The following TMEM63B variants were observed in gnomAD, a reference collection of about 807,000 sequenced individuals.
TMEM63B encodes the protein transmembrane protein 63B.
A neutral mutation model predicts 102.6 loss-of-function variants in TMEM63B; 23 were observed. That is an observed-to-expected ratio of 0.22 (90% CI 0.16 to 0.32). TMEM63B has a LOEUF of 0.32. TMEM63B is among the 10% of genes least tolerant of loss of function. The pLI is 1.00. For missense variants in TMEM63B, 628 were observed against 1,095.9 expected, an observed-to-expected ratio of 0.57 and a Z score of 6.03; for synonymous variants, 444 against 437.0, an observed-to-expected ratio of 1.02 and a Z score of -0.20.
intron 1 of TMEM63B, chr6:44,132,243 G>A (rs1762085623): frequency 3.0e-6 from 3 of 985,180 alleles, no homozygotes; most frequent in Non-Finnish European, 3.6e-6. Flanking sequence ...TGTTGTGGAG[G>A]GGAGAGTACT....
intron 15 of TMEM63B, among the ~76,000 whole-genome samples, chr6:44,149,540 T>C (rs1766146465): frequency 6.6e-6 from 1 of 152,094 alleles, no homozygotes; most frequent in Non-Finnish European, 1.5e-5. Flanking sequence ...CTATTGAATC[T>C]TTTTTTTGCC....
At chr6:44,139,647 T>C in intron 7 of TMEM63B, 38 bp downstream of exon 7, 1 of 1,614,028 alleles carries the variant, frequency 6.2e-7, no homozygotes. Context: ...GGAGAGAGGA[T>C]GGGGCTGGAG....
intron 9 of TMEM63B, chr6:44,140,622 A>G: frequency 1.7e-6 from 1 of 598,506 alleles, no homozygotes; most frequent in Non-Finnish European, 3.0e-6. Flanking sequence ...TTGGGAAAAT[A>G]GCAGTGGCTG....
chr6:44,140,288 C>A lies in TMEM63B; in HGVS notation c.639C>A (p.Phe213Leu). The change falls in exon 9 of 24, where the codon TTC becomes TTA. Residue 213 changes from phenylalanine to leucine, a missense_variant. Coordinates refer to ENST00000323267, the MANE Select transcript of TMEM63B (RefSeq NM_018426.3). ...TATGGCTGCACACCTCCTTCGCCTT[C>A]CTGTATCTGCTGCTCACCGTCTACA... Reference protein sequence around the residue: ...NLLWLHTSFAFLYLLLTVYSM... With the variant: ...NLLWLHTSFALLYLLLTVYSM... The A allele has an allele frequency of 6.2e-7, 1 of 1,614,108 alleles. No individual in the cohort carries two copies. Among genetic ancestry groups the A allele is most frequent in the Non-Finnish European group, 8.5e-7 (1 of 1,179,998 alleles).
At position 44,139,763 on chromosome 6, in the gene TMEM63B, A is replaced by T. The variant is rs1264565791; in HGVS notation, c.602+4A>T. The T allele has an allele frequency of 4.3e-6, 7 of 1,614,084 alleles. No individual in the cohort carries two copies. The African/African-American group carries it at 8.0e-5, about 18-fold the overall frequency. ...CCATTGCCAACTTGAAATCAGGGTAAGATGCGAAGCTGGTCGGCCAGGCCA... is the reference window on the plus strand; with the variant it reads ...CCATTGCCAACTTGAAATCAGGGTATGATGCGAAGCTGGTCGGCCAGGCCA... On this transcript the variant is annotated splice_donor_region_variant and intron_variant, in intron 8 of 23. Transcript: ENST00000323267.
chr6:44,146,824 A>G (rs201891308), intron 10 of TMEM63B, 23 bp from the exon 11 acceptor site: 42 of 1,613,356 alleles, frequency 2.6e-5, no homozygotes, highest in Non-Finnish European at 3.2e-5. Context: ...CCTGCACAAG[A>G]TGATACATGA....
chr6:44,149,797 A>G, intron 15 of TMEM63B, 62 bp from the exon 16 acceptor site: 2 of 1,396,746 alleles, frequency 1.4e-6, no homozygotes, highest in South Asian at 2.5e-5. Context: ...GGAGGCACAT[A>G]AGCAAAGCCA....
chr6:44,144,483 C>G (rs1764938141), intron 10 of TMEM63B, among the ~76,000 whole-genome samples: 2 of 152,250 alleles, frequency 1.3e-5, no homozygotes, highest in East Asian at 1.9e-4. Flanking sequence ...CTCAAGGACC[C>G]TATCCCAGAT....
chr6:44,147,009 C>G, intron 11 of TMEM63B, 82 bp downstream of exon 11: 1 of 1,457,484 alleles, frequency 6.9e-7, no homozygotes, highest in Non-Finnish European at 9.6e-7. Context: ...CACAGGCTCC[C>G]CTTCTAGATT....
At chr6:44,136,113 A>G (rs1292791499) in intron 4 of TMEM63B, among the ~76,000 whole-genome samples, 2 of 152,104 alleles carry the variant, frequency 1.3e-5, no homozygotes, top group East Asian at 3.9e-4. Context: ...TCCTCCCTCA[A>G]GTCCCCACTG....
intron 1 of TMEM63B, among the ~76,000 whole-genome samples, chr6:44,129,250 C>T (rs370993677): frequency 2.3e-3 from 348 of 151,932 alleles, no homozygotes; most frequent in African/African-American, 7.7e-3. Context: ...CACCTGTAAT[C>T]CCAGCTACTC....
At chr6:44,151,549 A>G (rs533308967) in intron 18 of TMEM63B, among the ~76,000 whole-genome samples, 2 of 152,162 alleles carry the variant, frequency 1.3e-5, no homozygotes, top group South Asian at 4.2e-4. Context: ...TGAGGGTCTC[A>G]TTGGGTTGTC....
chr6:44,126,771 T>C (rs1015108735), upstream of TMEM63B: 7 of 151,942 alleles, frequency 4.6e-5, no homozygotes, highest in South Asian at 8.3e-4. Context: ...ATAGAAAGAG[T>C]CTCAGTCTCT....
At chr6:44,141,876 C>T (rs756612624) in intron 10 of TMEM63B, among the ~76,000 whole-genome samples, 1 of 151,778 alleles carries the variant, frequency 6.6e-6, no homozygotes, top group Non-Finnish European at 1.5e-5. Context: ...AATCCCAGCA[C>T]TTTGGGAGGC....
chr6:44,146,245 A>G (rs921242295), intron 10 of TMEM63B, among the ~76,000 whole-genome samples: 1 of 152,008 alleles, frequency 6.6e-6, no homozygotes, highest in Non-Finnish European at 1.5e-5. Flanking sequence ...CAGGAATCAG[A>G]CCATAGCCCT....
In TMEM63B at chr6:44,152,415, C is replaced by T. The variant is rs75665949; in HGVS notation, c.1837-178C>T. Among the ~76,000 whole-genome samples, 28 of 152,176 alleles carry T rather than the reference C, an allele frequency of 1.8e-4. No individual in the cohort carries two copies. The East Asian group carries it at 4.1e-3, about 22-fold the overall frequency. On this transcript the variant is annotated intron_variant, in intron 19 of 23. Coordinates refer to ENST00000323267, the MANE Select transcript of TMEM63B (RefSeq NM_018426.3). This position sits in a 1 kb window ranked among gnomAD's most constrained non-coding sequence, Gnocchi z 6.4. ...ACTGCAACCGCCCTGACCCTCCTCTCGGCCATAGCCCCTCTCTCCATCTGC... is the reference window on the plus strand; with the variant it reads ...ACTGCAACCGCCCTGACCCTCCTCTTGGCCATAGCCCCTCTCTCCATCTGC...
At chr6:44,153,238 A>G (rs1045465052) in intron 20 of TMEM63B, among the ~76,000 whole-genome samples, 1 of 152,136 alleles carries the variant, frequency 6.6e-6, no homozygotes, top group African/African-American at 2.4e-5. Context: ...TTCCTCCCTA[A>G]TAACATCCTA....
intron 4 of TMEM63B, 70 bp from the exon 5 acceptor site, chr6:44,136,279 G>C: frequency 2.3e-6 from 3 of 1,298,364 alleles, no homozygotes; most frequent in Non-Finnish European, 3.4e-6. Context: ...GAGCTCTGGA[G>C]CACTCAGCCC....
intron 6 of TMEM63B, 57 bp downstream of exon 6, chr6:44,138,574 TCCCTACAA>T: frequency 3.1e-6 from 5 of 1,608,684 alleles, no homozygotes; most frequent in Non-Finnish European, 4.3e-6. Context: ...ACCTGGCATC[TCCCTACAA>T]AATTCAGAAG....
Sources: gnomAD v4.1 joint callset for allele counts (sites outside exome capture counted in the v4.1 genomes callset) on GRCh38, gnomAD v4.1.1 for gene constraint, Gnocchi (gnomAD v3.1) non-coding constraint, MANE v1.5 for transcripts, NCBI Gene and HGNC (gene_info 2026-07-23, HGNC 2026-07-21) for gene names.